The following RPS6KC1 variants were observed in gnomAD, a reference collection of about 807,000 sequenced individuals.
RPS6KC1 encodes ribosomal protein S6 kinase C1, also known as inactive ribosomal protein S6 kinase delta-1.
RPS6KC1 carries 54 observed loss-of-function variants against 103.8 expected under a neutral mutation model. The observed-to-expected ratio is 0.52, with a 90% CI of 0.42 to 0.65. The LOEUF (loss-of-function observed/expected upper bound fraction) is 0.65. Among genes scored for constraint, RPS6KC1 ranks in the 30% least tolerant of loss-of-function variants. The pLI is 0.00. For missense variants in RPS6KC1, 1,151 were observed against 1,253.8 expected, an observed-to-expected ratio of 0.92 and a Z score of 1.24; for synonymous variants, 439 against 438.7, an observed-to-expected ratio of 1.00 and a Z score of -0.01.
At chr1:213,410,823 A>AT in the RPS6KC1 span, among the ~76,000 whole-genome samples, 38 of 150,624 alleles carry the variant, frequency 2.5e-4, no homozygotes, top group Admixed American at 9.2e-4. Flanking sequence ...AGTGCCAGTG[A>AT]TTTTTTTTTT....
chr1:213,611,827 G>A, the RPS6KC1 span, among the ~76,000 whole-genome samples: 1 of 152,208 alleles, frequency 6.6e-6, no homozygotes, highest in Admixed American at 6.5e-5. Context: ...CACTGAAATG[G>A]TGAAATGTTA....
the RPS6KC1 span, among the ~76,000 whole-genome samples, chr1:213,545,371 C>CAAATAAATAAATAAATAAAT: frequency 1.6e-4 from 19 of 119,622 alleles, no homozygotes; most frequent in East Asian, 1.6e-3. Flanking sequence ...AACTCTGTCT[C>CAAATAAATAAATAAATAAAT]AAATAAATAA....
the RPS6KC1 span, among the ~76,000 whole-genome samples, chr1:213,625,362 T>A: frequency 6.6e-6 from 1 of 152,206 alleles, no homozygotes; most frequent in Admixed American, 6.5e-5. Context: ...AATATATAAA[T>A]GGTAACATGC....
At chr1:213,814,901 G>A in the RPS6KC1 span, among the ~76,000 whole-genome samples, 3 of 152,172 alleles carry the variant, frequency 2.0e-5, no homozygotes, top group Non-Finnish European at 2.9e-5. Context: ...GATTGAATGA[G>A]ACAGCAAACT....
At chr1:213,628,154 G>A in the RPS6KC1 span, among the ~76,000 whole-genome samples, 5 of 152,174 alleles carry the variant, frequency 3.3e-5, no homozygotes. Context: ...TCTTGGGAGG[G>A]TGTATGTGTC....
downstream of RPS6KC1, among the ~76,000 whole-genome samples, chr1:213,279,019 C>T (rs916196203): frequency 2.0e-4 from 30 of 151,894 alleles, no homozygotes; most frequent in Non-Finnish European, 2.1e-4. Flanking sequence ...TCGTAGATAA[C>T]GTGAATTTAA....
chr1:213,707,411 A>G, the RPS6KC1 span, among the ~76,000 whole-genome samples: 350 of 151,722 alleles, frequency 2.3e-3, no homozygotes, highest in African/African-American at 8.0e-3. Context: ...TTTTTCTTGT[A>G]AATTTATTTA....
At chr1:213,513,184 AG>A in the RPS6KC1 span, among the ~76,000 whole-genome samples, 7,563 of 152,186 alleles carry the variant, frequency 0.05, 561 homozygotes, top group East Asian at 0.28. Context: ...AAGATGAAGG[AG>A]GAGGGCCATG....
the RPS6KC1 span, among the ~76,000 whole-genome samples, chr1:213,302,033 G>T: frequency 6.6e-6 from 1 of 152,060 alleles, no homozygotes; most frequent in Non-Finnish European, 1.5e-5. Context: ...ACTGTGCCCG[G>T]CCAAGACCCC....
chr1:213,179,441 C>T (rs1375080409), intron 8 of RPS6KC1, among the ~76,000 whole-genome samples: 1 of 150,084 alleles, frequency 6.7e-6, no homozygotes, highest in Admixed American at 6.6e-5. Context: ...AAAAAAAAAG[C>T]AGGTACATTT....
At chr1:213,737,184 C>T in the RPS6KC1 span, among the ~76,000 whole-genome samples, 1 of 152,224 alleles carries the variant, frequency 6.6e-6, no homozygotes, top group Non-Finnish European at 1.5e-5. Flanking sequence ...AATTCAGCCT[C>T]TTGACATGTA....
the RPS6KC1 span, among the ~76,000 whole-genome samples, chr1:213,791,110 C>T: frequency 5.9e-5 from 9 of 151,834 alleles, no homozygotes; most frequent in African/African-American, 2.2e-4. Context: ...TTCAATAATC[C>T]TGGGAATACT....
chr1:213,152,135 A>C (rs1234406992), intron 6 of RPS6KC1, among the ~76,000 whole-genome samples: 2 of 117,128 alleles, frequency 1.7e-5, no homozygotes, highest in African/African-American at 6.7e-5. Context: ...GCGGCCGGGC[A>C]GAGGCGCCCC....
chr1:213,400,672 G>A, the RPS6KC1 span, among the ~76,000 whole-genome samples: 1 of 151,612 alleles, frequency 6.6e-6, no homozygotes, highest in South Asian at 2.1e-4. Flanking sequence ...TATTTACATT[G>A]TTGGAAACAT....
chr1:213,182,986 A>G (rs947921893), intron 8 of RPS6KC1, among the ~76,000 whole-genome samples: 2 of 151,186 alleles, frequency 1.3e-5, no homozygotes, highest in Admixed American at 6.6e-5. Flanking sequence ...AAGGATGGAA[A>G]TGACATGTCA....
the RPS6KC1 span, among the ~76,000 whole-genome samples, chr1:213,714,907 G>A: frequency 0.017 from 2,556 of 152,320 alleles, 48 homozygotes; most frequent in African/African-American, 0.048. Context: ...TGTATGGTGG[G>A]AGGGACGGCC....
chr1:213,233,090 AAAG>A (rs1311914942), intron 10 of RPS6KC1, among the ~76,000 whole-genome samples: 1 of 152,186 alleles, frequency 6.6e-6, no homozygotes, highest in Non-Finnish European at 1.5e-5. Context: ...TTTTTTAGGA[AAAG>A]AAGTCATTGC....
intron 5 of RPS6KC1, among the ~76,000 whole-genome samples, chr1:213,117,919 G>C (rs945370747): frequency 6.7e-6 from 1 of 149,514 alleles, no homozygotes; most frequent in Non-Finnish European, 1.5e-5. Flanking sequence ...CTACTAGGGA[G>C]GCTGAGGCAC....
chr1:213,827,991 C>A, the RPS6KC1 span, among the ~76,000 whole-genome samples: 7 of 152,140 alleles, frequency 4.6e-5, no homozygotes, highest in Non-Finnish European at 8.8e-5. Context: ...GGTTTTCAGG[C>A]CTCTTCTTTC....
Sources: gnomAD v4.1 joint callset for allele counts (sites outside exome capture counted in the v4.1 genomes callset) on GRCh38, gnomAD v4.1.1 for gene constraint, MANE v1.5 for transcripts, NCBI Gene and HGNC (gene_info 2026-07-23, HGNC 2026-07-21) for gene names.